Variants in NRG1 observed in about 807,000 individuals in gnomAD.
NRG1 encodes the protein neuregulin 1.
NRG1 carries 18 observed loss-of-function variants against 63.8 expected under a neutral mutation model. The observed-to-expected ratio is 0.28, with a 90% confidence interval of 0.19 to 0.42. The LOEUF (loss-of-function observed/expected upper bound fraction) is 0.42, where lower values mean the gene tolerates loss of function less well. NRG1 is among the 10% of genes least tolerant of loss of function. The pLI, the probability that NRG1 is intolerant of heterozygous loss-of-function variation, is 1.00. For missense variants in NRG1, 762 were observed against 814.7 expected, an observed-to-expected ratio of 0.94 and a Z score of 0.79; for synonymous variants, 302 against 301.3, an observed-to-expected ratio of 1.00 and a Z score of -0.02.
In NRG1 at chr8:31,640,164, G is replaced by T. The variant is rs1803599555; in HGVS notation, c.37+733G>T. The T allele has an allele frequency of 8.5e-7, 1 of 1,182,078 alleles. No individual in the cohort carries two copies. The highest frequency in any genetic ancestry group is 4.5e-5 in the Admixed American group (1 of 21,988). The allele number at this position is 1,182,078 out of a possible 1,614,324, so 73.2% of individuals were successfully genotyped here. A position where few individuals can be genotyped will look rare whatever the true frequency, so the allele number is the denominator to read the frequency against. ...ACGAGGCGGCTCCCGCGGGGGCCTC[G>T]GTGTGCTACTCGTCCCCGCCCAGCG... On this transcript the variant is annotated intron_variant, in intron 1 of 10. Coordinates refer to the NRG1 transcript ENST00000519301. The surrounding 1 kb of genome is among the most constrained non-coding windows in gnomAD (Gnocchi z 6.3).
intron 1 of NRG1, among the ~76,000 whole-genome samples, chr8:32,562,588 A>G (rs1836648769): frequency 6.6e-6 from 1 of 152,090 alleles, no homozygotes; most frequent in Non-Finnish European, 1.5e-5. Flanking sequence ...GGTTGTAACC[A>G]GGAAGCATGC....
intron 1 of NRG1, among the ~76,000 whole-genome samples, chr8:32,288,862 T>C (rs995616453): frequency 6.6e-6 from 1 of 152,184 alleles, no homozygotes; most frequent in Non-Finnish European, 1.5e-5. Flanking sequence ...CTTTAGCTTT[T>C]GTTGATTTTT....
At chr8:32,236,151 G>T (rs553235136) in intron 1 of NRG1, among the ~76,000 whole-genome samples, 2 of 146,108 alleles carry the variant, frequency 1.4e-5, no homozygotes, top group African/African-American at 5.5e-5. Flanking sequence ...GTGTGTGAAT[G>T]TGTGTGTGTG....
chr8:32,376,536 A>G (rs1748982288), intron 1 of NRG1, among the ~76,000 whole-genome samples: 1 of 152,186 alleles, frequency 6.6e-6, no homozygotes, highest in South Asian at 2.1e-4. Context: ...GTTAATACAT[A>G]TGCTTTGGAA....
At chr8:31,846,138 A>G (rs1447737081) in intron 1 of NRG1, among the ~76,000 whole-genome samples, 2 of 152,240 alleles carry the variant, frequency 1.3e-5, no homozygotes, top group Non-Finnish European at 2.9e-5. Flanking sequence ...ACCTTCTCAC[A>G]GATTTTCATT....
intron 1 of NRG1, among the ~76,000 whole-genome samples, chr8:32,171,893 C>G (rs1365676625): frequency 6.6e-6 from 1 of 152,200 alleles, no homozygotes; most frequent in Non-Finnish European, 1.5e-5. Context: ...GGAGGCCTGT[C>G]TGCCTCTGTA....
At chr8:32,546,530 A>T (rs1294724009), upstream of NRG1, among the ~76,000 whole-genome samples, 1 of 152,176 alleles carries the variant, frequency 6.6e-6, no homozygotes, top group Non-Finnish European at 1.5e-5. Flanking sequence ...CCCTCCTGGG[A>T]AAACAGAGTT....
In NRG1 at chr8:32,364,957, C is replaced by CTTTTTTTT. The variant is rs372216683; in HGVS notation, c.38-230859_38-230852dup. Among the ~76,000 whole-genome samples, 308 of 108,408 alleles carry CTTTTTTTT rather than the reference C, an allele frequency of 2.8e-3. 27 individuals are homozygous for CTTTTTTTT. Among genetic ancestry groups the CTTTTTTTT allele is most frequent in the African/African-American group, 7.8e-3 (209 of 26,696 alleles). The allele number at this position is 108,408 out of a possible 152,430, so 71.1% of individuals were successfully genotyped here. A position where few individuals can be genotyped will look rare whatever the true frequency, so the allele number is the denominator to read the frequency against. ...TGAATAAAATGTACTCCCTTTACTA[C>CTTTTTTTT]TTTTTTTTTTTTTTTTTTTGAGACA... is the stretch of plus-strand genomic sequence containing the variant. On this transcript the variant is annotated intron_variant, in intron 1 of 10. Coordinates refer to the NRG1 transcript ENST00000519301.
At chr8:32,255,130 T>A (rs1408193214) in intron 1 of NRG1, among the ~76,000 whole-genome samples, 1 of 152,300 alleles carries the variant, frequency 6.6e-6, no homozygotes, top group South Asian at 2.1e-4. Context: ...CACCAATGGG[T>A]CTTGACTCTT....
intron 5 of NRG1, among the ~76,000 whole-genome samples, chr8:32,669,506 G>A (rs1198030193): frequency 6.6e-6 from 1 of 152,166 alleles, no homozygotes; most frequent in Admixed American, 6.5e-5. Flanking sequence ...TGTTCAGCAT[G>A]TATAAAACCC....
chr8:31,926,570 A>G (rs1027368187), intron 1 of NRG1, among the ~76,000 whole-genome samples: 8 of 152,124 alleles, frequency 5.3e-5, no homozygotes, highest in African/African-American at 1.9e-4. Flanking sequence ...TCTGATTTGC[A>G]TTTTAAAAAG....
At chr8:32,723,906 A>C (rs924224976) in intron 5 of NRG1, among the ~76,000 whole-genome samples, 3 of 152,150 alleles carry the variant, frequency 2.0e-5, no homozygotes, top group Non-Finnish European at 2.9e-5. Context: ...GTAGTCCCCC[A>C]GTTCTCAGCT....
chr8:32,272,292 CCCTGGCATCT>C, intron 1 of NRG1, among the ~76,000 whole-genome samples: 1 of 152,196 alleles, frequency 6.6e-6, no homozygotes, highest in East Asian at 1.9e-4. Flanking sequence ...ACAGAGTGAG[CCCTGGCATCT>C]TCCTCTTCTT....
chr8:32,239,982 A>G (rs1213705358), intron 1 of NRG1, among the ~76,000 whole-genome samples: 1 of 152,200 alleles, frequency 6.6e-6, no homozygotes. Flanking sequence ...TACACTCTGT[A>G]AACAATTTGC....
At chr8:32,150,723 C>G (rs1214237138) in intron 1 of NRG1, among the ~76,000 whole-genome samples, 1 of 152,194 alleles carries the variant, frequency 6.6e-6, no homozygotes, top group African/African-American at 2.4e-5. Context: ...TCCTGAGCAT[C>G]TCAGTGCCTT....
chr8:32,172,841 G>A (rs965999450), intron 1 of NRG1, among the ~76,000 whole-genome samples: 6 of 152,188 alleles, frequency 3.9e-5, no homozygotes, highest in East Asian at 1.9e-4. Flanking sequence ...GGGACTATGC[G>A]AAAAGACCAA....
At chr8:31,798,671 A>G (rs552074794) in intron 1 of NRG1, among the ~76,000 whole-genome samples, 1 of 152,304 alleles carries the variant, frequency 6.6e-6, no homozygotes, top group South Asian at 2.1e-4. Context: ...ATATGTACAT[A>G]ATAAGATGTA....
chr8:31,705,291 C>T (rs996102971), intron 1 of NRG1, among the ~76,000 whole-genome samples: 4 of 152,064 alleles, frequency 2.6e-5, no homozygotes, highest in African/African-American at 9.7e-5. Context: ...TGTGATCCAC[C>T]TGCTTTGGCC....
At chr8:31,676,266 G>T (rs1807686555) in intron 1 of NRG1, among the ~76,000 whole-genome samples, 1 of 152,058 alleles carries the variant, frequency 6.6e-6, no homozygotes, top group South Asian at 2.1e-4. Context: ...GCTGCCTGGG[G>T]TCCCAAGGAG....
Sources: allele counts gnomAD v4.1 joint callset (sites outside exome capture counted in the v4.1 genomes callset), GRCh38; gene constraint gnomAD v4.1.1; non-coding constraint Gnocchi (gnomAD v3.1); transcripts MANE v1.5; gene names NCBI Gene and HGNC (gene_info 2026-07-23, HGNC 2026-07-21).